The following RPS29 variants were observed in gnomAD, a reference collection of about 807,000 sequenced individuals.
The protein encoded by RPS29 is ribosomal protein S29, also known as small ribosomal subunit protein uS14.
For synonymous variants in RPS29, 37 were observed against 26.9 expected, an observed-to-expected ratio of 1.37 and a Z score of -1.16; for missense variants, 60 against 75.7, an observed-to-expected ratio of 0.79 and a Z score of 0.77.
At chr14:49,577,577 A>G in exon 3 of RPS29, 1 of 650,276 alleles carries the variant, frequency 1.5e-6, no homozygotes. Flanking sequence ...AGGAACTTCC[A>G]GAAGCCACTG....
chr14:49,592,865 G>C (rs547035486), intron 1 of RPS29, among the ~76,000 whole-genome samples: 1 of 151,196 alleles, frequency 6.6e-6, no homozygotes, highest in Non-Finnish European at 1.5e-5. Context: ...CCGAGATTGC[G>C]CCACTGCACT....
At chr14:49,578,684 C>A (rs1566476890), downstream of RPS29, among the ~76,000 whole-genome samples, 1 of 151,460 alleles carries the variant, frequency 6.6e-6, no homozygotes, top group Non-Finnish European at 1.5e-5. Flanking sequence ...CCTCAGCCCC[C>A]CAAGTAGCTG....
exon 3 of RPS29, chr14:49,575,143 C>T (rs755067448): frequency 2.0e-5 from 3 of 152,370 alleles, no homozygotes. Context: ...CGGGTTCACG[C>T]CATTCTCCTG....
downstream of RPS29, among the ~76,000 whole-genome samples, chr14:49,578,855 A>G (rs543023129): frequency 2.6e-5 from 4 of 152,218 alleles, no homozygotes; most frequent in East Asian, 7.7e-4. Flanking sequence ...CACCCCGCCC[A>G]GCCAGCTTTC....
exon 3 of RPS29, chr14:49,572,247 G>T (rs564364138): frequency 6.6e-6 from 1 of 152,228 alleles, no homozygotes. Context: ...ACGGCACCCA[G>T]CCAAACCCCT....
Sources: gnomAD v4.1 joint callset for allele counts (sites outside exome capture counted in the v4.1 genomes callset) on GRCh38, gnomAD v4.1.1 for gene constraint, MANE v1.5 for transcripts, NCBI Gene and HGNC (gene_info 2026-07-23, HGNC 2026-07-21) for gene names.